The following COPE variants were observed in gnomAD, a reference collection of about 807,000 sequenced individuals.
COPE encodes the protein coat protein complex I subunit epsilon, also known as coatomer subunit epsilon.
In COPE, 19 loss-of-function variants were observed where a neutral mutation model predicts 42.1. That is an observed-to-expected ratio of 0.45 (90% CI 0.31 to 0.66). The LOEUF (loss-of-function observed/expected upper bound fraction) is 0.66. COPE is among the 30% of genes least tolerant of loss of function. COPE has a pLI of 0.05. For synonymous variants in COPE, 195 were observed against 181.3 expected (o/e 1.08, Z -0.60); for missense variants, 402 against 416.1 (o/e 0.97, Z 0.30).
chr19:18,910,987 C>A lies in COPE; in HGVS notation c.274G>T (p.Ala92Ser). The A allele has an allele frequency of 2.5e-6, 4 of 1,613,874 alleles. No individual in the cohort carries two copies. Among genetic ancestry groups the A allele is most frequent in the Non-Finnish European group, 3.4e-6 (4 of 1,179,988 alleles). ...QAVRMFADYLAHESRRDSIVA... is the reference protein window; with the variant it reads ...QAVRMFADYLSHESRRDSIVA... ...GGGCCTCACCTCCGACTCTCGTGGGCGAGGTAGTCAGCAAACATGCGCACG... is the reference window on the plus strand; with the variant it reads ...GGGCCTCACCTCCGACTCTCGTGGGAGAGGTAGTCAGCAAACATGCGCACG... Residue 92 changes from alanine to serine, a missense_variant, in exon 3 of 10, where the codon GCC (alanine) becomes TCC (serine). Coordinates refer to ENST00000262812, the MANE Select transcript of COPE (RefSeq NM_007263.4).
At position 18,913,029 on chromosome 19, in the gene COPE, T is replaced by C. The variant is rs200759503; in HGVS notation, c.144A>G (p.Arg48=). 7.4e-5 allele frequency: 120 copies of C among 1,611,724 alleles called. 2 individuals carry two copies. The East Asian group carries it at 2.1e-3, about 28-fold the overall frequency. ...ACAGGAAGACGTCCCTCTCCACGTCTCTCTCTGGGCTTGATAGCTGTGGGA... is the reference window on the plus strand; with the variant it reads ...ACAGGAAGACGTCCCTCTCCACGTCCCTCTCTGGGCTTGATAGCTGTGGGA... The part of the protein sequence containing the change: ...AQRVKLSSPE[R]DVERDVFLYR... Residue 48 remains arginine (R), a synonymous_variant, in exon 2 of 10, where the codon AGA becomes AGG. Coordinates refer to ENST00000262812, the MANE Select transcript of COPE (RefSeq NM_007263.4).
intron 7 of COPE, among the ~76,000 whole-genome samples, 196 bp from the exon 8 acceptor site, chr19:18,900,645 A>G (rs1207498883): frequency 1.3e-5 from 2 of 152,122 alleles, no homozygotes; most frequent in East Asian, 1.9e-4. Context: ...GCTGAGCCTC[A>G]GTTTCCCCAT....
intron 1 of COPE, among the ~76,000 whole-genome samples, chr19:18,916,285 G>A (rs987630098): frequency 2.6e-5 from 4 of 150,984 alleles, no homozygotes; most frequent in Admixed American, 6.6e-5. Context: ...CCCAGGAGGC[G>A]GAGGATGCAG....
rs944179536 is a variant in COPE at position 18,913,011 on chromosome 19, G to A, written c.162C>T (p.Val54=). Residue 54 remains valine (V), a synonymous_variant, in exon 2 of 10, where the codon GTC becomes GTT. Transcript: ENST00000262812. ...GCGCCAGGTACGCTCTATACAGGAAGACGTCCCTCTCCACGTCTCTCTCTG... is the reference window on the plus strand; with the variant it reads ...GCGCCAGGTACGCTCTATACAGGAAAACGTCCCTCTCCACGTCTCTCTCTG... ...SSPERDVERD[V]FLYRAYLAQR... 3.1e-6 allele frequency: 5 copies of A among 1,611,958 alleles called. No homozygotes were observed. In the African/African-American group the frequency reaches 6.7e-5, roughly 22 times the overall value.
intron 5 of COPE, among the ~76,000 whole-genome samples, chr19:18,905,191 C>T (rs1352701988): frequency 1.3e-5 from 2 of 152,112 alleles, no homozygotes; most frequent in Non-Finnish European, 2.9e-5. Flanking sequence ...GAAACGGCAG[C>T]AGGGGAGTCC....
intron 1 of COPE, among the ~76,000 whole-genome samples, chr19:18,915,460 T>C (rs1260917510): frequency 3.3e-5 from 5 of 152,162 alleles, no homozygotes; most frequent in African/African-American, 1.2e-4. Context: ...ACCGTTGTGG[T>C]TTTCCTCGAC....
intron 7 of COPE, among the ~76,000 whole-genome samples, chr19:18,900,926 C>G (rs528194559): frequency 3.4e-4 from 52 of 152,338 alleles, no homozygotes; most frequent in African/African-American, 1.3e-3. Context: ...GAGACCCAGC[C>G]AGAGCCCTGG....
At chr19:18,917,910 G>C (rs1201848516) in intron 1 of COPE, among the ~76,000 whole-genome samples, 1 of 151,926 alleles carries the variant, frequency 6.6e-6, no homozygotes, top group African/African-American at 2.4e-5. Context: ...TGTATGGGAG[G>C]CTGGGCACGG....
At chr19:18,909,051 G>A (rs75939843) in intron 3 of COPE, among the ~76,000 whole-genome samples, 1,974 of 152,222 alleles carry the variant, frequency 0.013, 40 homozygotes, top group African/African-American at 0.044. Context: ...CCTTGTCCCC[G>A]GGGCGTCCTG....
intron 8 of COPE, 151 bp downstream of exon 8, chr19:18,900,230 G>T: frequency 3.0e-6 from 2 of 675,756 alleles, no homozygotes; most frequent in East Asian, 2.8e-5. Context: ...AGGATGGGTT[G>T]GGGGGCACAG....
At chr19:18,913,195 A>G (rs1157630276) in intron 1 of COPE, 149 bp from the exon 2 acceptor site, 2 of 703,728 alleles carry the variant, frequency 2.8e-6, no homozygotes, top group Non-Finnish European at 5.0e-6. Context: ...GATCCTCCGT[A>G]GCCCGAGTGG....
rs1042173885 is a variant in COPE, at chr19:18,919,212, C to T, written c.126+11G>A. Reference sequence around the variant, plus strand: ...CGCCCCCAGCGTCCCCGCGCCCCTGCGCGGCCGCACCTTCACCCGCTGCGC... The same window carrying T: ...CGCCCCCAGCGTCCCCGCGCCCCTGTGCGGCCGCACCTTCACCCGCTGCGC... On this transcript the variant is annotated intron_variant, in intron 1 of 9. Transcript: ENST00000262812. 6.2e-7 allele frequency: 1 copy of T among 1,605,316 alleles called. No homozygotes were observed. The highest frequency in any genetic ancestry group is 1.3e-5 in the African/African-American group (1 of 74,702).
chr19:18,902,684 AAAGGAAAGGAAGGAAAGGAAGG>A (rs2056711627), intron 7 of COPE, among the ~76,000 whole-genome samples: 1 of 84,146 alleles, frequency 1.2e-5, no homozygotes, highest in Non-Finnish European at 2.3e-5. Flanking sequence ...AAAAAAGAAG[AAAGGAAAGGAAGGAAAGGAAGG>A]AAAGGAAGGA....
intron 1 of COPE, among the ~76,000 whole-genome samples, chr19:18,917,675 C>T (rs2145088212): frequency 6.6e-6 from 1 of 152,142 alleles, no homozygotes; most frequent in Non-Finnish European, 1.5e-5. Flanking sequence ...GAAATCACTT[C>T]TAACTACAAG....
chr19:18,910,936 C>T lies in COPE; in HGVS notation c.290+35G>A, dbSNP rs778109147. On this transcript the variant is annotated intron_variant, in intron 3 of 9. Coordinates refer to ENST00000262812, the MANE Select transcript of COPE (RefSeq NM_007263.4). ...AACCAACAGGCCTTGAAGATGGCCC[C>T]GCGCCTCAGGCCAACCCATTCTCTG... The T allele has an allele frequency of 5.0e-5, 80 of 1,593,220 alleles. 1 individual carries two copies. Among genetic ancestry groups the T allele is most frequent in the Non-Finnish European group, 6.0e-5 (70 of 1,162,896 alleles).
intron 1 of COPE, among the ~76,000 whole-genome samples, chr19:18,917,679 C>A (rs1163661382): frequency 2.0e-5 from 3 of 152,044 alleles, no homozygotes; most frequent in Non-Finnish European, 4.4e-5. Flanking sequence ...TCACTTCTAA[C>A]TACAAGCAGC....
rs149067136 is a variant in COPE at position 18,903,300 on chromosome 19, C to T, written c.703G>A (p.Ala235Thr). 232 of 1,606,942 alleles carry T rather than the reference C, an allele frequency of 1.4e-4. No homozygotes were observed. In the African/African-American group the frequency reaches 2.2e-3, roughly 15 times the overall value. Reference sequence around the variant, plus strand: ...AGCGCCTCCTGCAGCAGGCCCTCAGCGGCCTCCCAGCGGCCCTGGGCCATG... The same window carrying T: ...AGCGCCTCCTGCAGCAGGCCCTCAGTGGCCTCCCAGCGGCCCTGGGCCATG... The part of the protein sequence containing the change: ...CHMAQGRWEA[A>T]EGLLQEALDK... The change falls in exon 7 of 10, where the codon GCT becomes ACT. Residue 235 changes from alanine (A) to threonine (T), a missense_variant. By Grantham distance (58) the Ala-to-Thr change is moderately conservative. Coordinates refer to ENST00000262812, the MANE Select transcript of COPE (RefSeq NM_007263.4).
Position 18,900,416 on chromosome 19 carries a change from T to A in COPE, c.769A>T (p.Ile257Phe). 1.3e-6 allele frequency: 2 copies of A among 1,549,194 alleles called. No homozygotes were observed. Among genetic ancestry groups the A allele is most frequent in the Non-Finnish European group, 1.7e-6 (2 of 1,146,044 alleles). Reference sequence around the variant, plus strand: ...TTGCCCAGGTGCTGGGACAGGACGATGAGGTTGACCAGCGTCTCTGGGTAG... The same window carrying A: ...TTGCCCAGGTGCTGGGACAGGACGAAGAGGTTGACCAGCGTCTCTGGGTAG... ...SGYPETLVNLIVLSQHLGKPP... is the reference protein window; with the variant it reads ...SGYPETLVNLFVLSQHLGKPP... The change falls in exon 8 of 10, where the codon ATC becomes TTC. Residue 257 changes from isoleucine to phenylalanine, a missense_variant. Ile to Phe is a conservative substitution (Grantham distance 21). Transcript: ENST00000262812.
In COPE at chr19:18,905,604, G is replaced by C. The variant is rs765641585; in HGVS notation, c.469C>G (p.Leu157Val). The part of the protein sequence containing the change: ...ECTAMTVQIL[L>V]KLDRLDLARK... ...GCGAGGTCCAGGCGGTCCAGCTTCAGCAGGATCTGCACTGTCATGGCTGTG... is the reference window on the plus strand; with the variant it reads ...GCGAGGTCCAGGCGGTCCAGCTTCACCAGGATCTGCACTGTCATGGCTGTG... The change falls in exon 5 of 10, where the codon CTG (leucine) becomes GTG (valine). Residue 157 changes from leucine (L) to valine (V), a missense_variant. Physicochemically the swap from Leu to Val is conservative, Grantham distance 32 (BLOSUM62 1). Coordinates refer to ENST00000262812, the MANE Select transcript of COPE (RefSeq NM_007263.4). 4.4e-6 allele frequency: 7 copies of C among 1,593,306 alleles called. No homozygotes were observed. Among genetic ancestry groups the C allele is most frequent in the African/African-American group, 2.7e-5 (2 of 74,850 alleles).
Sources: gnomAD v4.1 joint callset for allele counts (sites outside exome capture counted in the v4.1 genomes callset) on GRCh38, gnomAD v4.1.1 for gene constraint, MANE v1.5 for transcripts, NCBI Gene and HGNC (gene_info 2026-07-23, HGNC 2026-07-21) for gene names.